Variants in VPS33B observed in about 807,000 individuals in gnomAD.
VPS33B encodes vacuolar protein sorting-associated protein 33B.
A neutral mutation model predicts 95.3 loss-of-function variants in VPS33B; 80 were observed. That is an observed-to-expected ratio of 0.84 (90% CI 0.70 to 1.01). VPS33B has a LOEUF of 1.01. Ranked by LOEUF, VPS33B falls within the 50% of genes least tolerant of loss-of-function variation. VPS33B has a pLI of 0.00. For missense variants in VPS33B, 715 were observed against 773.4 expected (o/e 0.92, Z 0.90); for synonymous variants, 280 against 280.4 (o/e 1.00, Z 0.01).
In VPS33B at chr15:91,007,615, G is replaced by T; in HGVS notation, c.499-42C>A. 1 of 1,602,492 alleles carries T rather than the reference G, an allele frequency of 6.2e-7. No homozygotes were observed. Among genetic ancestry groups the T allele is most frequent in the East Asian group, 2.2e-5 (1 of 44,822 alleles). On this transcript the variant is annotated intron_variant, in intron 7 of 22. Transcript: ENST00000333371. The surrounding 1 kb of genome is among the most constrained non-coding windows in gnomAD (Gnocchi z 5.3). ...AGCCACAAAGATATGAATCAACCCA[G>T]TAGGACCACCTGGAAAGTGGCTAGC... is the stretch of plus-strand genomic sequence containing the variant.
In VPS33B at chr15:91,018,522, TTGACA is replaced by T. The variant is rs2041007885; in HGVS notation, c.97-642_97-638del. Among the ~76,000 whole-genome samples the T allele has an allele frequency of 1.3e-5, 2 of 152,024 alleles. No individual in the cohort carries two copies. The highest frequency in any genetic ancestry group is 2.4e-5 in the African/African-American group (1 of 41,380). ...CAGGCCTTCACAAATGAGTAGGGTGTTGACATGGATGGATGAAGAGGACAGTCCAG... is the reference window on the plus strand; with the variant it reads ...CAGGCCTTCACAAATGAGTAGGGTGTTGGATGGATGAAGAGGACAGTCCAG... On this transcript the variant is annotated intron_variant, in intron 1 of 22. Coordinates refer to ENST00000333371, the MANE Select transcript of VPS33B (RefSeq NM_018668.5). This position sits in a 1 kb window ranked among gnomAD's most constrained non-coding sequence, Gnocchi z 4.7.
Position 91,022,196 on chromosome 15 carries a change from C to A in VPS33B, c.54G>T (p.Leu18=). ...TGAGCTGGTCTCGAGCCAGCCTCTT[C>A]AGCATGGAGAAGTCAGGCAGCTCAG... The part of the protein sequence containing the change: ...DAPELPDFSM[L]KRLARDQLIY... Residue 18 remains leucine, a synonymous_variant, in exon 1 of 23, where the codon CTG becomes CTT. Transcript: ENST00000333371. 6.3e-7 allele frequency: 1 copy of A among 1,586,618 alleles called. No individual in the cohort carries two copies. Among genetic ancestry groups the A allele is most frequent in the Non-Finnish European group, 8.6e-7 (1 of 1,164,968 alleles).
intron 1 of VPS33B, 148 bp downstream of exon 1, chr15:91,022,006 T>C: frequency 1.1e-6 from 1 of 885,232 alleles, no homozygotes; most frequent in Admixed American, 2.2e-5. Flanking sequence ...CTCTTACTAC[T>C]CCCTGGATTC....
chr15:91,018,047 A>G lies in VPS33B; in HGVS notation c.97-162T>C, dbSNP rs1463825726. The G allele has an allele frequency of 1.5e-4, 101 of 696,464 alleles. No homozygotes were observed. The highest frequency in any genetic ancestry group is 1.5e-5 in the South Asian group (1 of 65,298). The allele number at this position is 696,464 out of a possible 1,614,324, so 43.1% of individuals were successfully genotyped here. A position where few individuals can be genotyped will look rare whatever the true frequency, so the allele number is the denominator to read the frequency against. On this transcript the variant is annotated intron_variant, in intron 1 of 22. Coordinates refer to ENST00000333371, the MANE Select transcript of VPS33B (RefSeq NM_018668.5). The surrounding 1 kb of genome is among the most constrained non-coding windows in gnomAD (Gnocchi z 4.7). Reference sequence around the variant, plus strand: ...TTTATTATCTGTATCCACAGTTGACACTTCTCTGTATATTTACCTATTTTG... The same window carrying G: ...TTTATTATCTGTATCCACAGTTGACGCTTCTCTGTATATTTACCTATTTTG...
rs2040578116 is a variant in VPS33B, at chr15:91,005,590, G to C, written c.1030+104C>G. 1 of 1,568,402 alleles carries C rather than the reference G, an allele frequency of 6.4e-7. No homozygotes were observed. ...CACTTTACACCAAGTAAGACCATAT[G>C]CATCAGATGAACAGGGATCTCCTCC... is the stretch of plus-strand genomic sequence containing the variant. On this transcript the variant is annotated intron_variant, in intron 13 of 22. Coordinates refer to ENST00000333371, the MANE Select transcript of VPS33B (RefSeq NM_018668.5). The surrounding 1 kb of genome is among the most constrained non-coding windows in gnomAD (Gnocchi z 6.4).
In VPS33B at chr15:91,009,002, G is replaced by A. The variant is rs1262153494; in HGVS notation, c.403+799C>T. 6.6e-6 allele frequency among the ~76,000 whole-genome samples: 1 copy of A among 152,172 alleles called. No individual in the cohort carries two copies. The highest frequency in any genetic ancestry group is 1.5e-5 in the Non-Finnish European group (1 of 68,042). On this transcript the variant is annotated intron_variant, in intron 6 of 22. Transcript: ENST00000333371. The surrounding 1 kb of genome is among the most constrained non-coding windows in gnomAD (Gnocchi z 4.1). ...CTAATGGGACAGGAGGGGCCAGACT[G>A]TGCAAGGGATAGGAGGCATGTTGGG...
Position 91,006,340 on chromosome 15 carries a change from G to C in VPS33B, c.852+32C>G. 1 of 1,611,704 alleles carries C rather than the reference G, an allele frequency of 6.2e-7. No homozygotes were observed. Among genetic ancestry groups the C allele is most frequent in the Non-Finnish European group, 8.5e-7 (1 of 1,178,188 alleles). On this transcript the variant is annotated intron_variant, in intron 11 of 22. Transcript: ENST00000333371. The surrounding 1 kb of genome is among the most constrained non-coding windows in gnomAD (Gnocchi z 5.4). Reference sequence around the variant, plus strand: ...CAGCCTGGTATAAGCAGTGGCCCTAGGTGGGCCCATTGCTAGCACCCACAC... The same window carrying C: ...CAGCCTGGTATAAGCAGTGGCCCTACGTGGGCCCATTGCTAGCACCCACAC...
intron 16 of VPS33B, among the ~76,000 whole-genome samples, chr15:91,003,552 G>A (rs1251238597): frequency 2.0e-5 from 3 of 152,134 alleles, no homozygotes; most frequent in Non-Finnish European, 4.4e-5. Context: ...CCATTCTCCT[G>A]CCTCAGCCTC....
At position 91,005,948 on chromosome 15, in the gene VPS33B, AGAG is replaced by A; in HGVS notation, c.939+22_939+24del. On this transcript the variant is annotated intron_variant, in intron 12 of 22. Transcript: ENST00000333371. The surrounding 1 kb of genome is among the most constrained non-coding windows in gnomAD (Gnocchi z 6.4). The stretch of plus-strand genomic sequence containing the variant: ...TGGGAAGCCACTGAGGCAACAAAAC[AGAG>A]GAGCAGGGCTTGGAGCCTCACATCA... The A allele has an allele frequency of 6.2e-7, 1 of 1,613,526 alleles. No homozygotes were observed. The highest frequency in any genetic ancestry group is 8.5e-7 in the Non-Finnish European group (1 of 1,179,716).
In VPS33B at chr15:91,000,281, C is replaced by G. The variant is rs1177684359; in HGVS notation, c.1581+209G>C. Among the ~76,000 whole-genome samples, 1 of 152,120 alleles carries G rather than the reference C, an allele frequency of 6.6e-6. No homozygotes were observed. The highest frequency in any genetic ancestry group is 6.5e-5 in the Admixed American group (1 of 15,268). ...GTGCAGTGGCACATGCCTGTAGTCC[C>G]AGCTACTTCGGAAGCTGAGGCAGGA... On this transcript the variant is annotated intron_variant, in intron 20 of 22. Coordinates refer to ENST00000333371, the MANE Select transcript of VPS33B (RefSeq NM_018668.5). This position sits in a 1 kb window ranked among gnomAD's most constrained non-coding sequence, Gnocchi z 4.9.
Position 91,009,640 on chromosome 15 carries a change from T to C in VPS33B, c.403+161A>G, listed in dbSNP as rs2040724008. The stretch of plus-strand genomic sequence containing the variant: ...GTTCTAATTCGTGGTCCTATTCCCA[T>C]TCCCATTCTCAGGAACCTCTCCTCC... On this transcript the variant is annotated intron_variant, in intron 6 of 22. Transcript: ENST00000333371. The surrounding 1 kb of genome is among the most constrained non-coding windows in gnomAD (Gnocchi z 4.1). Among the ~76,000 whole-genome samples the C allele has an allele frequency of 7.3e-6, 1 of 137,052 alleles. No homozygotes were observed. The highest frequency in any genetic ancestry group is 8.0e-5 in the Admixed American group (1 of 12,428). 89.9% of individuals were successfully genotyped at this position (137,052 alleles called of 152,430 possible).
rs2040404366 is a variant in VPS33B at position 91,000,430 on chromosome 15, G to C, written c.1581+60C>G. The C allele has an allele frequency of 6.7e-7, 1 of 1,502,566 alleles. No homozygotes were observed. Among genetic ancestry groups the C allele is most frequent in the African/African-American group, 1.4e-5 (1 of 72,180 alleles). 93.1% of individuals were successfully genotyped at this position (1,502,566 alleles called of 1,614,324 possible). ...AAAAAAAAACATTGAGACACGCCAG[G>C]GACCAAGAGAAAGCAGAGAGAATGA... is the stretch of plus-strand genomic sequence containing the variant. On this transcript the variant is annotated intron_variant, in intron 20 of 22. Transcript: ENST00000333371. This position sits in a 1 kb window ranked among gnomAD's most constrained non-coding sequence, Gnocchi z 4.9.
rs2040386584 is a variant in VPS33B at position 90,999,925 on chromosome 15, G to A, written c.1632C>T (p.Leu544=). ...WQGLDEVVRL[L]NCSDFAFTDM... ...CTGTGAATGCAAAGTCACTGCAGTT[G>A]AGCAGCCGTACCACCTCATCAAGGC... is the stretch of plus-strand genomic sequence containing the variant. The change falls in exon 21 of 23, where the codon CTC becomes CTT. Residue 544 remains leucine (L), a synonymous_variant. Transcript: ENST00000333371. This position sits in a 1 kb window ranked among gnomAD's most constrained non-coding sequence, Gnocchi z 5.1. 1.2e-6 allele frequency: 2 copies of A among 1,614,136 alleles called. No individual in the cohort carries two copies. The highest frequency in any genetic ancestry group is 1.7e-6 in the Non-Finnish European group (2 of 1,180,036).
rs2151660796 is a variant in VPS33B, at chr15:90,998,816, CTT to C, written c.*157_*158del. The C allele has an allele frequency of 1.3e-6, 1 of 791,844 alleles. No homozygotes were observed. The highest frequency in any genetic ancestry group is 2.7e-5 in the East Asian group (1 of 37,358). The allele number at this position is 791,844 out of a possible 1,614,324, so 49.1% of individuals were successfully genotyped here. A position where few individuals can be genotyped will look rare whatever the true frequency, so the allele number is the denominator to read the frequency against. ...ATATCCTGGGAGCAGGAAGTGAACT[CTT>C]TTCTCAGATAATGTTCTCTAAATCC... On this transcript the variant is annotated 3_prime_UTR_variant, in exon 23 of 23. Coordinates refer to ENST00000333371, the MANE Select transcript of VPS33B (RefSeq NM_018668.5). This position sits in a 1 kb window ranked among gnomAD's most constrained non-coding sequence, Gnocchi z 4.8.
chr15:90,999,982 A>G lies in VPS33B; in HGVS notation c.1582-7T>C. ...AGCTTCGCCGCTCTAGCACCTGGGA[A>G]GGTGTAAGCACTGTTTTTAAGGCTA... On this transcript the variant is annotated splice_region_variant and splice_polypyrimidine_tract_variant and intron_variant, in intron 20 of 22. Transcript: ENST00000333371. The surrounding 1 kb of genome is among the most constrained non-coding windows in gnomAD (Gnocchi z 5.1). 6.2e-7 allele frequency: 1 copy of G among 1,614,154 alleles called. No individual in the cohort carries two copies. Among genetic ancestry groups the G allele is most frequent in the Non-Finnish European group, 8.5e-7 (1 of 1,180,012 alleles).
rs748615327 is a variant in VPS33B at position 90,999,995 on chromosome 15, GT to G, written c.1582-21del. The G allele has an allele frequency of 1.2e-6, 2 of 1,614,008 alleles. No individual in the cohort carries two copies. Among genetic ancestry groups the G allele is most frequent in the South Asian group, 2.2e-5 (2 of 91,064 alleles). The stretch of plus-strand genomic sequence containing the variant: ...TAGCACCTGGGAAGGTGTAAGCACT[GT>G]TTTTAAGGCTACAGACAGTATCAGG... On this transcript the variant is annotated intron_variant, in intron 20 of 22. Coordinates refer to ENST00000333371, the MANE Select transcript of VPS33B (RefSeq NM_018668.5). This position sits in a 1 kb window ranked among gnomAD's most constrained non-coding sequence, Gnocchi z 5.1.
chr15:91,016,479 G>A (rs2040931275), intron 3 of VPS33B, among the ~76,000 whole-genome samples: 1 of 150,408 alleles, frequency 6.6e-6, no homozygotes, highest in Non-Finnish European at 1.5e-5. Context: ...CGCCTCCCGG[G>A]TTCAAGCGAT....
intron 6 of VPS33B, among the ~76,000 whole-genome samples, chr15:91,008,657 T>C (rs1303209277): frequency 1.3e-5 from 2 of 152,212 alleles, no homozygotes; most frequent in African/African-American, 4.8e-5. Flanking sequence ...AAAATGGACA[T>C]GCTCCCAACC....
At position 90,999,772 on chromosome 15, in the gene VPS33B, G is replaced by A. The variant is rs1297881333; in HGVS notation, c.1679C>T (p.Ala560Val). 1.2e-6 allele frequency: 2 copies of A among 1,614,018 alleles called. No individual in the cohort carries two copies. Among genetic ancestry groups the A allele is most frequent in the Non-Finnish European group, 1.7e-6 (2 of 1,180,042 alleles). Residue 560 changes from alanine (A) to valine (V), a missense_variant, in exon 22 of 23, where the codon GCT becomes GTT. Transcript: ENST00000333371. The surrounding 1 kb of genome is among the most constrained non-coding windows in gnomAD (Gnocchi z 5.1). ...GATGAGGCGCAGGGACTCACTGGAAGCCTTGTCTTCCTTAGTCATATCTGT... is the reference window on the plus strand; with the variant it reads ...GATGAGGCGCAGGGACTCACTGGAAACCTTGTCTTCCTTAGTCATATCTGT... ...AFTDMTKEDKASSESLRLILV... is the reference protein window; with the variant it reads ...AFTDMTKEDKVSSESLRLILV...
Sources: allele counts gnomAD v4.1 joint callset (sites outside exome capture counted in the v4.1 genomes callset), GRCh38; gene constraint gnomAD v4.1.1; non-coding constraint Gnocchi (gnomAD v3.1); transcripts MANE v1.5; gene names NCBI Gene and HGNC (gene_info 2026-07-23, HGNC 2026-07-21).